Variants in LINGO2 observed in about 807,000 individuals in gnomAD.
The protein encoded by LINGO2 is leucine-rich repeat and immunoglobulin-like domain-containing nogo receptor-interacting protein 2.
A neutral mutation model predicts 30.6 loss-of-function variants in LINGO2; 14 were observed. The ratio of observed to expected loss-of-function variants is 0.46; its 90% CI spans 0.30 to 0.72. The LOEUF is 0.72. Among genes scored for constraint, LINGO2 ranks in the 30% least tolerant of loss-of-function variants. The pLI, the probability that LINGO2 is intolerant of heterozygous loss-of-function variation, is 0.07. For synonymous variants in LINGO2, 317 were observed against 288.5 expected (o/e 1.10, Z -1.00); for missense variants, 729 against 751.7 (o/e 0.97, Z 0.35).
At chr9:28,423,535 CT>C (rs1446912526) in intron 2 of LINGO2, among the ~76,000 whole-genome samples, 1 of 152,060 alleles carries the variant, frequency 6.6e-6, no homozygotes, top group Non-Finnish European at 1.5e-5. Flanking sequence ...AGGATGCTAC[CT>C]GTCACTAAAT....
At chr9:28,905,330 A>G in the LINGO2 span, among the ~76,000 whole-genome samples, 1 of 151,784 alleles carries the variant, frequency 6.6e-6, no homozygotes, top group Non-Finnish European at 1.5e-5. Flanking sequence ...TCTAAACACC[A>G]AAGAAACAAT....
intron 1 of LINGO2, among the ~76,000 whole-genome samples, chr9:28,652,951 GT>G (rs1182477630): frequency 6.6e-6 from 1 of 152,056 alleles, no homozygotes; most frequent in East Asian, 1.9e-4. Flanking sequence ...AAGTGCGTTA[GT>G]TAAATTGATA....
upstream of LINGO2, among the ~76,000 whole-genome samples, chr9:28,672,425 G>A (rs369605682): frequency 6.6e-6 from 1 of 152,060 alleles, no homozygotes; most frequent in Non-Finnish European, 1.5e-5. Context: ...GAAGCTCACC[G>A]TAACAAGTGC....
chr9:28,871,079 G>A, the LINGO2 span, among the ~76,000 whole-genome samples: 1 of 151,788 alleles, frequency 6.6e-6, no homozygotes, highest in East Asian at 1.9e-4. Context: ...GACAGATGAT[G>A]ATTGTGGCAA....
the LINGO2 span, among the ~76,000 whole-genome samples, chr9:28,755,183 A>G: frequency 6.6e-6 from 1 of 152,086 alleles, no homozygotes; most frequent in Non-Finnish European, 1.5e-5. Flanking sequence ...AGAATAAATT[A>G]CAAAATGTTA....
intron 1 of LINGO2, among the ~76,000 whole-genome samples, chr9:28,546,921 C>G (rs1174899860): frequency 6.6e-6 from 1 of 152,052 alleles, no homozygotes; most frequent in Non-Finnish European, 1.5e-5. Context: ...CTCTCAAAGT[C>G]TTTTAACCTT....
chr9:28,946,455 G>A, the LINGO2 span, among the ~76,000 whole-genome samples: 1 of 152,136 alleles, frequency 6.6e-6, no homozygotes, highest in Admixed American at 6.5e-5. Context: ...TTATTCAGGT[G>A]TTCTCAGAAT....
chr9:28,062,430 TAC>T (rs1371956336), intron 4 of LINGO2, among the ~76,000 whole-genome samples: 1 of 144,518 alleles, frequency 6.9e-6, no homozygotes, highest in Non-Finnish European at 1.5e-5. Context: ...TGTATATATA[TAC>T]TATATACATA....
At chr9:27,978,933 C>T (rs1024534725) in intron 5 of LINGO2, among the ~76,000 whole-genome samples, 2 of 151,992 alleles carry the variant, frequency 1.3e-5, no homozygotes, top group Non-Finnish European at 2.9e-5. Context: ...CATATATTGT[C>T]TAACAATACT....
intron 4 of LINGO2, among the ~76,000 whole-genome samples, chr9:28,136,849 G>A (rs914710723): frequency 6.6e-6 from 1 of 152,168 alleles, no homozygotes; most frequent in Admixed American, 6.5e-5. Context: ...GGTAAAGTGA[G>A]TAAAGCAGAT....
At chr9:28,099,075 CTGTA>C (rs1826332761) in intron 4 of LINGO2, among the ~76,000 whole-genome samples, 1 of 152,078 alleles carries the variant, frequency 6.6e-6, no homozygotes, top group African/African-American at 2.4e-5. Flanking sequence ...CATAGAAAGA[CTGTA>C]TGTACTAGAT....
chr9:28,620,778 A>G (rs1826354273), intron 1 of LINGO2, among the ~76,000 whole-genome samples: 1 of 152,110 alleles, frequency 6.6e-6, no homozygotes, highest in Admixed American at 6.6e-5. Context: ...CTAAATGATG[A>G]GAACACATAG....
At chr9:28,199,295 C>T (rs1820130142) in intron 4 of LINGO2, among the ~76,000 whole-genome samples, 1 of 151,424 alleles carries the variant, frequency 6.6e-6, no homozygotes, top group Non-Finnish European at 1.5e-5. Context: ...CTCTAATGTA[C>T]TCATAAAGTT....
At chr9:28,367,948 T>G (rs1820741672) in intron 3 of LINGO2, among the ~76,000 whole-genome samples, 1 of 152,130 alleles carries the variant, frequency 6.6e-6, no homozygotes, top group Non-Finnish European at 1.5e-5. Context: ...AAACTCTCCT[T>G]AAGGGTAACT....
rs112130989 is a variant in LINGO2 at position 27,949,850 on chromosome 9, G to A, written c.822C>T (p.Tyr274=). The A allele has an allele frequency of 4.9e-4, 798 of 1,614,092 alleles. 1 individual carries two copies. In the African/African-American group the frequency reaches 9.7e-3, roughly 20 times the overall value. ...TGTAGGAGAGGTTAAGGTGAGTCAG[G>A]TATACCAGGTGTTTAAAGGCAAGGA... The change falls in exon 6 of 6, where the codon TAC becomes TAT. Residue 274 remains tyrosine (Y), a synonymous_variant. Transcript: ENST00000379992.
chr9:28,475,397 A>G (rs80180526), intron 2 of LINGO2, among the ~76,000 whole-genome samples: 5,584 of 152,218 alleles, frequency 0.037, 248 homozygotes, highest in East Asian at 0.098. Context: ...TGTCTCAGGG[A>G]GCAGCATATG....
At chr9:28,779,735 A>G in the LINGO2 span, among the ~76,000 whole-genome samples, 2 of 151,990 alleles carry the variant, frequency 1.3e-5, no homozygotes, top group African/African-American at 4.8e-5. Flanking sequence ...GCACAGGAAA[A>G]TTTTTCTAAT....
chr9:28,888,186 A>C, the LINGO2 span, among the ~76,000 whole-genome samples: 10 of 152,098 alleles, frequency 6.6e-5, no homozygotes, highest in Admixed American at 1.3e-4. Flanking sequence ...CATCAACTTC[A>C]TACATTTACT....
At chr9:29,194,434 G>T in the LINGO2 span, among the ~76,000 whole-genome samples, 9 of 152,104 alleles carry the variant, frequency 5.9e-5, no homozygotes, top group African/African-American at 2.2e-4. Flanking sequence ...GCTCTCTATA[G>T]TACACCAGAC....
Sources: allele counts gnomAD v4.1 joint callset (sites outside exome capture counted in the v4.1 genomes callset), GRCh38; gene constraint gnomAD v4.1.1; transcripts MANE v1.5; gene names NCBI Gene and HGNC (gene_info 2026-07-23, HGNC 2026-07-21).